NPAS3: variants seen among roughly 807,000 people sequenced by gnomAD.
NPAS3 encodes neuronal PAS domain protein 3.
In NPAS3, 14 loss-of-function variants were observed where a neutral mutation model predicts 73.1. The ratio of observed to expected loss-of-function variants is 0.19; its 90% CI spans 0.13 to 0.30. The LOEUF (loss-of-function observed/expected upper bound fraction) is 0.30. Ranked by LOEUF, NPAS3 falls within the 10% of genes least tolerant of loss-of-function variation. The probability of loss-of-function intolerance (pLI) is 1.00; values close to 1 mark genes in which losing one functional copy is unlikely to be tolerated. For missense variants in NPAS3, 1,096 were observed against 1,250.0 expected (o/e 0.88, Z 1.86); for synonymous variants, 620 against 541.5 (o/e 1.14, Z -2.01).
At chr14:33,091,317 G>A (rs963943005) in intron 2 of NPAS3, among the ~76,000 whole-genome samples, 12 of 152,030 alleles carry the variant, frequency 7.9e-5, no homozygotes, top group African/African-American at 2.7e-4. Flanking sequence ...TATCACCACC[G>A]ATCCCACAGA....
At chr14:33,775,589 G>T (rs2062787875) in intron 8 of NPAS3, among the ~76,000 whole-genome samples, 1 of 152,154 alleles carries the variant, frequency 6.6e-6, no homozygotes. Context: ...TGATTCAAAG[G>T]AAATAATTCA....
Position 32,941,275 on chromosome 14 carries a change from T to TCCCCTCCCTCCCTC in NPAS3, c.50+1911_50+1912insCCTCCCTCCCTCCC, listed in dbSNP as rs1166793165. Among the ~76,000 whole-genome samples the TCCCCTCCCTCCCTC allele has an allele frequency of 1.1e-3, 2 of 1,874 alleles. 1 individual carries two copies. Among genetic ancestry groups the TCCCCTCCCTCCCTC allele is most frequent in the African/African-American group, 6.3e-3 (2 of 316 alleles). 1.2% of individuals were successfully genotyped at this position (1,874 alleles called of 152,430 possible). A position where few individuals can be genotyped will look rare whatever the true frequency, so the allele number is the denominator to read the frequency against. On this transcript the variant is annotated intron_variant, in intron 1 of 11. Coordinates refer to ENST00000356141, the Ensembl canonical transcript of NPAS3. ...CCCCTCCTCCCTCCTTCCCCTCCCC[T>TCCCCTCCCTCCCTC]CCTCCCTCCCTCCCTCCCTCCCTCC...
At chr14:33,206,437 C>A (rs1490595408) in intron 2 of NPAS3, among the ~76,000 whole-genome samples, 1 of 152,174 alleles carries the variant, frequency 6.6e-6, no homozygotes, top group Non-Finnish European at 1.5e-5. Context: ...AACAAGAAAA[C>A]TCCCAGTTTT....
At chr14:33,144,831 T>C (rs1416748994) in intron 2 of NPAS3, among the ~76,000 whole-genome samples, 1 of 152,212 alleles carries the variant, frequency 6.6e-6, no homozygotes, top group Non-Finnish European at 1.5e-5. Context: ...TGGCCTCAAA[T>C]GATCCTCCTA....
chr14:33,791,552 C>A (rs191727050), intron 9 of NPAS3, among the ~76,000 whole-genome samples: 1 of 152,184 alleles, frequency 6.6e-6, no homozygotes. Context: ...CAGCCCCCTT[C>A]GCTACACATA....
intron 2 of NPAS3, among the ~76,000 whole-genome samples, chr14:33,211,865 G>T (rs1285354854): frequency 6.6e-6 from 1 of 152,126 alleles, no homozygotes; most frequent in East Asian, 1.9e-4. Context: ...TCAAATCTAA[G>T]TGCAAGAACA....
intron 1 of NPAS3, among the ~76,000 whole-genome samples, chr14:32,958,132 T>G (rs543977080): frequency 1.3e-5 from 2 of 152,220 alleles, no homozygotes; most frequent in Admixed American, 6.5e-5. Context: ...ACCTAAAGAT[T>G]TATTTCTCTT....
chr14:33,193,183 A>C (rs1594354588), intron 2 of NPAS3, among the ~76,000 whole-genome samples: 1 of 137,070 alleles, frequency 7.3e-6, no homozygotes, highest in Non-Finnish European at 1.5e-5. Flanking sequence ...TTCTTTACCC[A>C]TTTGAAGTGT....
rs773956966 is a variant in NPAS3, at chr14:33,104,730, A to G, written c.140+48736A>G. Among the ~76,000 whole-genome samples, 56 of 152,214 alleles carry G rather than the reference A, an allele frequency of 3.7e-4. 2 individuals carry two copies. The highest frequency in any genetic ancestry group is 2.8e-4 in the Non-Finnish European group (19 of 68,034). On this transcript the variant is annotated intron_variant, in intron 2 of 11. Transcript: ENST00000356141. ...TAAGTTCATTAGGTGCAATTGCTAC[A>G]TCACACAGTTAATATAGTGAGAGAA...
At chr14:33,583,230 A>G (rs2056745882) in intron 5 of NPAS3, 1 of 152,170 alleles carries the variant, frequency 6.6e-6, no homozygotes, top group Admixed American at 6.5e-5. Flanking sequence ...ATAAGTTAAG[A>G]GCCATGCCTT....
intron 5 of NPAS3, among the ~76,000 whole-genome samples, chr14:33,562,436 G>C (rs1337749743): frequency 6.6e-6 from 1 of 152,188 alleles, no homozygotes; most frequent in African/African-American, 2.4e-5. Context: ...GATGTGTTCA[G>C]TGTTGGCAGA....
chr14:33,335,016 T>G (rs533163975), intron 3 of NPAS3, among the ~76,000 whole-genome samples: 6 of 145,768 alleles, frequency 4.1e-5, no homozygotes, highest in African/African-American at 1.3e-4. Flanking sequence ...TTGCTATGGC[T>G]TAGTGGTATT....
intron 1 of NPAS3, among the ~76,000 whole-genome samples, chr14:33,030,738 A>G (rs1364469145): frequency 6.6e-6 from 1 of 152,160 alleles, no homozygotes; most frequent in Admixed American, 6.6e-5. Context: ...CCAGTGTATG[A>G]GTATACTGTA....
chr14:33,623,920 G>T (rs902953416), intron 5 of NPAS3, among the ~76,000 whole-genome samples: 2 of 152,104 alleles, frequency 1.3e-5, no homozygotes, highest in African/African-American at 4.8e-5. Flanking sequence ...AATGCTAAAA[G>T]GACTCCTCAG....
chr14:33,240,035 C>T (rs181848588), intron 3 of NPAS3, among the ~76,000 whole-genome samples: 2 of 151,772 alleles, frequency 1.3e-5, no homozygotes, highest in Admixed American at 6.6e-5. Context: ...TACTAAATAG[C>T]CTATTCCACT....
intron 5 of NPAS3, among the ~76,000 whole-genome samples, chr14:33,607,635 G>A (rs1043134198): frequency 6.6e-6 from 1 of 152,150 alleles, no homozygotes; most frequent in South Asian, 2.1e-4. Context: ...ACCTGTCAAG[G>A]TAGATACTTT....
chr14:33,097,745 C>A (rs550281378), intron 2 of NPAS3, among the ~76,000 whole-genome samples: 1 of 152,236 alleles, frequency 6.6e-6, no homozygotes, highest in Non-Finnish European at 1.5e-5. Context: ...TTGTAATATC[C>A]TAATGACCAG....
intron 2 of NPAS3, among the ~76,000 whole-genome samples, chr14:33,170,965 G>A (rs1029871390): frequency 5.3e-5 from 8 of 152,184 alleles, no homozygotes; most frequent in African/African-American, 1.9e-4. Flanking sequence ...ATCCTTTCCA[G>A]AAGGTTTTCA....
intron 2 of NPAS3, among the ~76,000 whole-genome samples, chr14:33,147,699 C>T (rs1200259761): frequency 2.8e-5 from 4 of 141,460 alleles, no homozygotes; most frequent in Non-Finnish European, 6.0e-5. Flanking sequence ...ACATTGTGCA[C>T]ATGTACCCTA....
Sources: allele counts gnomAD v4.1 joint callset (sites outside exome capture counted in the v4.1 genomes callset), GRCh38; gene constraint gnomAD v4.1.1; transcripts MANE v1.5; gene names NCBI Gene and HGNC (gene_info 2026-07-23, HGNC 2026-07-21).